The following CD200R1L variants were observed in gnomAD, a reference collection of about 807,000 sequenced individuals.
CD200R1L encodes the protein cell surface glycoprotein CD200 receptor 2.
In CD200R1L, 14 loss-of-function variants were observed where a neutral mutation model predicts 24.8. The observed-to-expected ratio is 0.56, with a 90% CI of 0.37 to 0.88. The LOEUF is 0.88. Ranked by LOEUF, CD200R1L falls within the 40% of genes least tolerant of loss-of-function variation. The pLI, the probability that CD200R1L is intolerant of heterozygous loss-of-function variation, is 0.00. For synonymous variants in CD200R1L, 111 were observed against 109.2 expected, an observed-to-expected ratio of 1.02 and a Z score of -0.11; for missense variants, 299 against 297.8, an observed-to-expected ratio of 1.00 and a Z score of -0.03.
At chr3:112,842,074 C>G (rs919267054) in intron 2 of CD200R1L, among the ~76,000 whole-genome samples, 3 of 152,218 alleles carry the variant, frequency 2.0e-5, no homozygotes, top group Non-Finnish European at 4.4e-5. Flanking sequence ...TGGAACACCT[C>G]AGTGATCTAG....
intron 3 of CD200R1L, 51 bp from the exon 4 acceptor site, chr3:112,829,435 A>T (rs1313384281): frequency 6.6e-7 from 1 of 1,520,892 alleles, no homozygotes; most frequent in Non-Finnish European, 9.1e-7. Flanking sequence ...TGTACTCAGA[A>T]TGGAAACAAG....
chr3:112,830,007 C>G (rs1938757413), intron 3 of CD200R1L, among the ~76,000 whole-genome samples: 1 of 152,176 alleles, frequency 6.6e-6, no homozygotes. Flanking sequence ...GACACAATCC[C>G]CCTGCGGGGT....
At chr3:112,836,309 GGCAGAATAGGACT>G (rs1367504123) in intron 3 of CD200R1L, among the ~76,000 whole-genome samples, 4 of 152,332 alleles carry the variant, frequency 2.6e-5, no homozygotes, top group Admixed American at 1.3e-4. Context: ...CTGCAGAATA[GGCAGAATAGGACT>G]GCAGAATAGG....
chr3:112,819,981 A>AATATTCT, intron 6 of CD200R1L, 86 bp from the exon 7 acceptor site: 2 of 1,301,288 alleles, frequency 1.5e-6, no homozygotes, highest in Non-Finnish European at 1.0e-6. Flanking sequence ...AACATTTTAA[A>AATATTCT]ATATTCTTAA....
Position 112,827,090 on chromosome 3 carries a change from A to C in CD200R1L, c.519T>G (p.Val173=). 1 of 1,613,410 alleles carries C rather than the reference A, an allele frequency of 6.2e-7. No homozygotes were observed. Among genetic ancestry groups the C allele is most frequent in the Non-Finnish European group, 8.5e-7 (1 of 1,180,020 alleles). Residue 173 remains valine (V), a synonymous_variant, in exon 6 of 8, where the codon GTT becomes GTG. Coordinates refer to ENST00000488794, the MANE Select transcript of CD200R1L (RefSeq NM_001199215.3). The part of the protein sequence containing the change: ...QEYWGNGTVT[V]KSTCPWEGHK... Reference sequence around the variant, plus strand: ...GGCCCTCCCAGGGGCATGTACTCTTAACCGTCACTGTGCCATTGCCCCAGT... The same window carrying C: ...GGCCCTCCCAGGGGCATGTACTCTTCACCGTCACTGTGCCATTGCCCCAGT...
In CD200R1L at chr3:112,819,871, G is replaced by T. The variant is rs191314755; in HGVS notation, c.641C>A (p.Ala214Glu). Reference protein sequence around the residue: ...NSGLRTSGSPALSLLIILYVK... With the variant: ...NSGLRTSGSPELSLLIILYVK... The stretch of plus-strand genomic sequence containing the variant: ...ATAAAGAATGATCAGTAAGGACAAC[G>T]CTGGAGATCCTGAGGTTCTGAGACC... The change falls in exon 7 of 8, where the codon GCG becomes GAG. Residue 214 changes from alanine to glutamate, a missense_variant. Physicochemically the swap from Ala to Glu is moderately radical, Grantham distance 107. Transcript: ENST00000488794. 6.2e-7 allele frequency: 1 copy of T among 1,606,302 alleles called. No homozygotes were observed. Among genetic ancestry groups the T allele is most frequent in the Non-Finnish European group, 8.5e-7 (1 of 1,177,672 alleles).
chr3:112,827,076 G>A lies in CD200R1L; in HGVS notation c.533C>T (p.Pro178Leu). The A allele has an allele frequency of 1.9e-6, 3 of 1,613,308 alleles. No homozygotes were observed. The highest frequency in any genetic ancestry group is 2.5e-6 in the Non-Finnish European group (3 of 1,179,986). Reference protein sequence around the residue: ...NGTVTVKSTCPWEGHKSTVTC... With the variant: ...NGTVTVKSTCLWEGHKSTVTC... ...CACAGTAGACTTGTGGCCCTCCCAG[G>A]GGCATGTACTCTTAACCGTCACTGT... The change falls in exon 6 of 8, where the codon CCC (proline) becomes CTC (leucine). Residue 178 changes from proline to leucine, a missense_variant. Pro to Leu is a moderately conservative substitution (Grantham distance 98). Coordinates refer to ENST00000488794, the MANE Select transcript of CD200R1L (RefSeq NM_001199215.3).
At chr3:112,838,051 A>G (rs1938998704) in intron 2 of CD200R1L, 41 bp from the exon 3 acceptor site, 3 of 878,842 alleles carry the variant, frequency 3.4e-6, no homozygotes, top group African/African-American at 1.9e-5. Flanking sequence ...AAAATTAAGA[A>G]CTTTTCTTTA....
chr3:112,837,913 A>G (rs1938989085), intron 3 of CD200R1L, 29 bp downstream of exon 3: 2 of 995,464 alleles, frequency 2.0e-6, no homozygotes, highest in Non-Finnish European at 2.6e-6. Context: ...CTCCCATCAA[A>G]CTGGTTATTA....
At chr3:112,838,473 A>AAAC (rs1939009694) in intron 2 of CD200R1L, among the ~76,000 whole-genome samples, 1 of 125,410 alleles carries the variant, frequency 8.0e-6, no homozygotes, top group East Asian at 2.3e-4. Flanking sequence ...ATTTGCAAAA[A>AAAC]AAACAAACAA....
At chr3:112,826,368 T>C (rs1384976576) in intron 6 of CD200R1L, among the ~76,000 whole-genome samples, 1 of 152,156 alleles carries the variant, frequency 6.6e-6, no homozygotes, top group Admixed American at 6.5e-5. Flanking sequence ...TAGATCCTAT[T>C]ATCCTCATTT....
At chr3:112,821,195 C>T (rs1414276099) in intron 6 of CD200R1L, among the ~76,000 whole-genome samples, 1 of 152,054 alleles carries the variant, frequency 6.6e-6, no homozygotes, top group African/African-American at 2.4e-5. Context: ...AAACACTAAA[C>T]TAGAAAAATG....
At chr3:112,839,107 C>T (rs7642984) in intron 2 of CD200R1L, among the ~76,000 whole-genome samples, 32,874 of 152,040 alleles carry the variant, frequency 0.22, 4,365 homozygotes, top group African/African-American at 0.36. Context: ...ACTTTCCATA[C>T]TTTCTACTCA....
chr3:112,824,495 T>C (rs1327635766), intron 6 of CD200R1L, among the ~76,000 whole-genome samples: 2 of 152,058 alleles, frequency 1.3e-5, no homozygotes, highest in Non-Finnish European at 2.9e-5. Flanking sequence ...AATTAGACAG[T>C]GGTTGAAGCC....
At chr3:112,836,476 A>C (rs1426886563) in intron 3 of CD200R1L, among the ~76,000 whole-genome samples, 1 of 152,228 alleles carries the variant, frequency 6.6e-6, no homozygotes, top group Non-Finnish European at 1.5e-5. Flanking sequence ...GTAAATCATT[A>C]AATATGCATA....
At chr3:112,844,278 G>T (rs955742577) in intron 2 of CD200R1L, among the ~76,000 whole-genome samples, 2 of 152,126 alleles carry the variant, frequency 1.3e-5, no homozygotes, top group Non-Finnish European at 2.9e-5. Flanking sequence ...GTGCTCTGAG[G>T]TCAGCCACAT....
chr3:112,842,238 C>A (rs751314554), intron 2 of CD200R1L, among the ~76,000 whole-genome samples: 4 of 152,164 alleles, frequency 2.6e-5, no homozygotes, highest in South Asian at 2.1e-4. Context: ...AGCAGTGTTG[C>A]GGGAAGTCAG....
chr3:112,826,893 G>A, intron 6 of CD200R1L, 100 bp downstream of exon 6: 1 of 1,346,964 alleles, frequency 7.4e-7, no homozygotes, highest in Non-Finnish European at 1.0e-6. Flanking sequence ...TTCAAGCTAG[G>A]AGCTCAAATT....
At position 112,834,079 on chromosome 3, in the gene CD200R1L, C is replaced by T. The variant is rs186219808; in HGVS notation, c.-18+3863G>A. Among the ~76,000 whole-genome samples, 200 of 152,172 alleles carry T rather than the reference C, an allele frequency of 1.3e-3. 1 individual carries two copies. The highest frequency in any genetic ancestry group is 2.2e-3 in the Non-Finnish European group (151 of 68,008). On this transcript the variant is annotated intron_variant, in intron 3 of 7. Transcript: ENST00000488794. ...CAGCTTCATGGAGCACTGGCACAGCCTCTGGAAGTCACAACTAACGTTTGG... is the reference window on the plus strand; with the variant it reads ...CAGCTTCATGGAGCACTGGCACAGCTTCTGGAAGTCACAACTAACGTTTGG...
Sources: allele counts gnomAD v4.1 joint callset (sites outside exome capture counted in the v4.1 genomes callset), GRCh38; gene constraint gnomAD v4.1.1; transcripts MANE v1.5; gene names NCBI Gene and HGNC (gene_info 2026-07-23, HGNC 2026-07-21).